TNFRSF13C: variants seen among roughly 807,000 people sequenced by gnomAD.
TNFRSF13C encodes tumor necrosis factor receptor superfamily member 13C.
TNFRSF13C carries 7 observed loss-of-function variants against 12.1 expected under a neutral mutation model. The ratio of observed to expected loss-of-function variants is 0.58; its 90% CI spans 0.33 to 1.08. TNFRSF13C has a LOEUF of 1.08. TNFRSF13C is among the 50% of genes least tolerant of loss of function. The probability of loss-of-function intolerance (pLI) is 0.04; values close to 1 mark genes in which losing one functional copy is unlikely to be tolerated. For synonymous variants in TNFRSF13C, 157 were observed against 130.8 expected, an observed-to-expected ratio of 1.20 and a Z score of -1.37; for missense variants, 260 against 265.9, an observed-to-expected ratio of 0.98 and a Z score of 0.15.
chr22:41,926,199 A>C lies in TNFRSF13C; in HGVS notation c.269T>G (p.Val90Gly), dbSNP rs1569421812. The change falls in exon 2 of 3, where the codon GTC becomes GGC. Residue 90 changes from valine to glycine, a missense_variant. Physicochemically the swap from Val to Gly is moderately radical, Grantham distance 109. Transcript: ENST00000291232. The surrounding 1 kb of genome is among the most constrained non-coding windows in gnomAD (Gnocchi z 4.9). ...GAPALLGLAL[V>G]LALVLVGLVS... is the part of the protein sequence containing the mutation. ...CAGACCCACCAGGACCAGCGCCAGG[A>C]CCAGTGCCAGGCCCAGCAGCGCGGG... 1 of 1,607,882 alleles carries C rather than the reference A, an allele frequency of 6.2e-7. No individual in the cohort carries two copies. Among genetic ancestry groups the C allele is most frequent in the Admixed American group, 1.7e-5 (1 of 59,896 alleles).
At position 41,924,149 on chromosome 22, in the gene TNFRSF13C, G is replaced by C. The variant is rs62240988; in HGVS notation, c.*1218C>G. On this transcript the variant is annotated 3_prime_UTR_variant, in exon 3 of 3. Coordinates refer to ENST00000291232, the MANE Select transcript of TNFRSF13C (RefSeq NM_052945.4). ...TTCGGGGAGGACTGCCTGAGGCCAG[G>C]AGTTTGAGACTGGCCTGGGCAACAT... is the stretch of plus-strand genomic sequence containing the variant. 9,156 of 150,768 alleles carry C rather than the reference G, an allele frequency of 0.061. 380 individuals are homozygous for C. The highest frequency in any genetic ancestry group is 0.095 in the Non-Finnish European group (6,412 of 67,816). 9.3% of individuals were successfully genotyped at this position (150,768 alleles called of 1,614,324 possible).
chr22:41,926,468 G>A lies in TNFRSF13C; in HGVS notation c.137-137C>T. 1 of 1,107,272 alleles carries A rather than the reference G, an allele frequency of 9.0e-7. No homozygotes were observed. Among genetic ancestry groups the A allele is most frequent in the Non-Finnish European group, 1.2e-6 (1 of 844,794 alleles). 68.6% of individuals were successfully genotyped at this position (1,107,272 alleles called of 1,614,324 possible). On this transcript the variant is annotated intron_variant, in intron 1 of 2. Transcript: ENST00000291232. The surrounding 1 kb of genome is among the most constrained non-coding windows in gnomAD (Gnocchi z 4.9). ...GGGGCGGTGGACAAGGGGAGGGAGA[G>A]AGGCGGCGGTGAGGGCCACGCGGTG...
Position 41,922,857 on chromosome 22 carries a change from G to A in TNFRSF13C, c.*2510C>T, listed in dbSNP as rs1048519138. 2 of 152,702 alleles carry A rather than the reference G, an allele frequency of 1.3e-5. No homozygotes were observed. Among genetic ancestry groups the A allele is most frequent in the African/African-American group, 4.8e-5 (2 of 41,428 alleles). 9.5% of individuals were successfully genotyped at this position (152,702 alleles called of 1,614,324 possible). A position where few individuals can be genotyped will look rare whatever the true frequency, so the allele number is the denominator to read the frequency against. ...GGAAAAGATGGGGTGGGGCAGATGG[G>A]GTGGCCAGGAGCAGCTCAGACTCCC... is the stretch of plus-strand genomic sequence containing the variant. On this transcript the variant is annotated 3_prime_UTR_variant, in exon 3 of 3. Coordinates refer to ENST00000291232, the MANE Select transcript of TNFRSF13C (RefSeq NM_052945.4).
rs899035407 is a variant in TNFRSF13C at position 41,926,090 on chromosome 22, A to G, written c.367+11T>C. 9 of 1,611,778 alleles carry G rather than the reference A, an allele frequency of 5.6e-6. No homozygotes were observed. Among genetic ancestry groups the G allele is most frequent in the Non-Finnish European group, 6.8e-6 (8 of 1,179,566 alleles). ...CCCGCTCAGACTGGTTCCCCTACACACGGAACTCACCGTCCTTGTCTCCGT... is the reference window on the plus strand; with the variant it reads ...CCCGCTCAGACTGGTTCCCCTACACGCGGAACTCACCGTCCTTGTCTCCGT... On this transcript the variant is annotated intron_variant, in intron 2 of 2. Coordinates refer to ENST00000291232, the MANE Select transcript of TNFRSF13C (RefSeq NM_052945.4). The surrounding 1 kb of genome is among the most constrained non-coding windows in gnomAD (Gnocchi z 4.9).
chr22:41,925,140 A>G lies in TNFRSF13C; in HGVS notation c.*227T>C. The G allele has an allele frequency of 1.9e-6, 1 of 523,912 alleles. No individual in the cohort carries two copies. The allele number at this position is 523,912 out of a possible 1,614,324, so 32.5% of individuals were successfully genotyped here. On this transcript the variant is annotated 3_prime_UTR_variant, in exon 3 of 3. Transcript: ENST00000291232. ...AAGGCACAGGAACAGGAGCTGGGCT[A>G]CCACCTTCAAGGGCTGTCAAAGATG...
rs2077618886 is a variant in TNFRSF13C, at chr22:41,924,386, G to GCT, written c.*979_*980dup. 6.6e-6 allele frequency: 1 copy of GCT among 151,666 alleles called. No individual in the cohort carries two copies. Among genetic ancestry groups the GCT allele is most frequent in the Admixed American group, 6.6e-5 (1 of 15,196 alleles). The allele number at this position is 151,666 out of a possible 1,614,324, so 9.4% of individuals were successfully genotyped here. On this transcript the variant is annotated 3_prime_UTR_variant, in exon 3 of 3. Coordinates refer to ENST00000291232, the MANE Select transcript of TNFRSF13C (RefSeq NM_052945.4). Reference sequence around the variant, plus strand: ...GCCTATAGTCCCAGCTACTCAGGAGGCTCAGGCAGGAGAATGGTGTGAACC... The same window carrying GCT: ...GCCTATAGTCCCAGCTACTCAGGAGGCTCTCAGGCAGGAGAATGGTGTGAACC...
In TNFRSF13C at chr22:41,926,258, C is replaced by T; in HGVS notation, c.210G>A (p.Ala70=). Residue 70 remains alanine (A), a synonymous_variant, in exon 2 of 3, where the codon GCG becomes GCA. Coordinates refer to ENST00000291232, the MANE Select transcript of TNFRSF13C (RefSeq NM_052945.4). This position sits in a 1 kb window ranked among gnomAD's most constrained non-coding sequence, Gnocchi z 4.9. The part of the protein sequence containing the change: ...QESVGAGAGE[A]ALPLPGLLFG... Reference sequence around the variant, plus strand: ...AGAGCAGCCCGGGCAGGGGCAGCGCCGCCTCGCCGGCCCCCGCGCCCACCG... The same window carrying T: ...AGAGCAGCCCGGGCAGGGGCAGCGCTGCCTCGCCGGCCCCCGCGCCCACCG... 1 of 1,504,242 alleles carries T rather than the reference C, an allele frequency of 6.6e-7. No individual in the cohort carries two copies. Among genetic ancestry groups the T allele is most frequent in the Non-Finnish European group, 8.8e-7 (1 of 1,133,782 alleles). The allele number at this position is 1,504,242 out of a possible 1,614,324, so 93.2% of individuals were successfully genotyped here.
In TNFRSF13C at chr22:41,926,601, A is replaced by C; in HGVS notation, c.136+37T>G. ...GCGATCGGGGCCCCGTTCTCCCCGC[A>C]GCTGCCGGCGCCGCGCGCCCCGTGG... On this transcript the variant is annotated intron_variant, in intron 1 of 2. Coordinates refer to ENST00000291232, the MANE Select transcript of TNFRSF13C (RefSeq NM_052945.4). The surrounding 1 kb of genome is among the most constrained non-coding windows in gnomAD (Gnocchi z 4.9). The C allele has an allele frequency of 7.1e-7, 1 of 1,408,928 alleles. No individual in the cohort carries two copies. Among genetic ancestry groups the C allele is most frequent in the Non-Finnish European group, 9.2e-7 (1 of 1,085,118 alleles). 87.3% of individuals were successfully genotyped at this position (1,408,928 alleles called of 1,614,324 possible).
At position 41,926,678 on chromosome 22, in the gene TNFRSF13C, G is replaced by A. The variant is rs2077634598; in HGVS notation, c.96C>T (p.Cys32=). The change falls in exon 1 of 3, where the codon TGC becomes TGT. Residue 32 remains cysteine (C), a synonymous_variant. Transcript: ENST00000291232. The surrounding 1 kb of genome is among the most constrained non-coding windows in gnomAD (Gnocchi z 4.9). The stretch of plus-strand genomic sequence containing the variant: ...GCGTGCGCAGGAGCCCGCAGGCCAC[G>A]CAGTGGCGGACCAGCAGGTCGAAGC... ...AECFDLLVRH[C]VACGLLRTPR... 2.7e-6 allele frequency: 4 copies of A among 1,463,520 alleles called. No homozygotes were observed. Among genetic ancestry groups the A allele is most frequent in the African/African-American group, 1.5e-5 (1 of 68,054 alleles). The allele number at this position is 1,463,520 out of a possible 1,614,324, so 90.7% of individuals were successfully genotyped here.
In TNFRSF13C at chr22:41,923,865, A is replaced by G. The variant is rs1376065010; in HGVS notation, c.*1502T>C. The stretch of plus-strand genomic sequence containing the variant: ...AAGCTGCCACTGGGGTCAAAATGGC[A>G]TCTTAGGTTCTGGCAGATTGGGCCA... On this transcript the variant is annotated 3_prime_UTR_variant, in exon 3 of 3. Transcript: ENST00000291232. The G allele has an allele frequency of 6.6e-6, 1 of 152,176 alleles. No homozygotes were observed. The highest frequency in any genetic ancestry group is 2.4e-5 in the African/African-American group (1 of 41,438). 9.4% of individuals were successfully genotyped at this position (152,176 alleles called of 1,614,324 possible).
chr22:41,923,377 C>T lies in TNFRSF13C; in HGVS notation c.*1990G>A. 6.5e-6 allele frequency: 1 copy of T among 154,708 alleles called. No homozygotes were observed. Among genetic ancestry groups the T allele is most frequent in the Non-Finnish European group, 1.5e-5 (1 of 68,336 alleles). The allele number at this position is 154,708 out of a possible 1,614,324, so 9.6% of individuals were successfully genotyped here. On this transcript the variant is annotated 3_prime_UTR_variant, in exon 3 of 3. Coordinates refer to ENST00000291232, the MANE Select transcript of TNFRSF13C (RefSeq NM_052945.4). ...CAGGTCAGGAGGTTCTGACCCTGTG[C>T]AGGAGGGCAGGTAGGAGGCGGCTGA...
chr22:41,926,414 G>A lies in TNFRSF13C; in HGVS notation c.137-83C>T, dbSNP rs2077632022. 4.2e-6 allele frequency: 5 copies of A among 1,198,680 alleles called. No homozygotes were observed. The South Asian group carries it at 1.1e-4, about 26-fold the overall frequency. The allele number at this position is 1,198,680 out of a possible 1,614,324, so 74.3% of individuals were successfully genotyped here. ...GACGGGGAGGGGCGGAGGGGGGCGA[G>A]GCTGGCCGGGGAGGGGAGGGACAGC... On this transcript the variant is annotated intron_variant, in intron 1 of 2. Coordinates refer to ENST00000291232, the MANE Select transcript of TNFRSF13C (RefSeq NM_052945.4). The surrounding 1 kb of genome is among the most constrained non-coding windows in gnomAD (Gnocchi z 4.9).
In TNFRSF13C at chr22:41,925,564, G is replaced by C. The variant is rs374836008; in HGVS notation, c.368-10C>G. The C allele has an allele frequency of 8.1e-6, 13 of 1,611,486 alleles. No individual in the cohort carries two copies. Among genetic ancestry groups the C allele is most frequent in the Middle Eastern group, 1.7e-4 (1 of 6,058 alleles). On this transcript the variant is annotated splice_polypyrimidine_tract_variant and intron_variant, in intron 2 of 2. Coordinates refer to ENST00000291232, the MANE Select transcript of TNFRSF13C (RefSeq NM_052945.4). Reference sequence around the variant, plus strand: ...TCCAGGGGCTCTGGGGCTGCAGGCAGAGGGGGTAGAGGCTCCGTACTCAGT... The same window carrying C: ...TCCAGGGGCTCTGGGGCTGCAGGCACAGGGGGTAGAGGCTCCGTACTCAGT...
rs1265622212 is a variant in TNFRSF13C, at chr22:41,925,326, G to A, written c.*41C>T. On this transcript the variant is annotated 3_prime_UTR_variant, in exon 3 of 3. Transcript: ENST00000291232. ...TTGATTTCCAAGCCCCTGGCTGGGG[G>A]TCCAGAGGGAGGGCAGGGGCCACCT... 2 of 1,569,912 alleles carry A rather than the reference G, an allele frequency of 1.3e-6. No homozygotes were observed.
rs1240828220 is a variant in TNFRSF13C, at chr22:41,926,205, G to A, written c.263C>T (p.Ala88Val). 1 of 1,605,694 alleles carries A rather than the reference G, an allele frequency of 6.2e-7. No homozygotes were observed. The highest frequency in any genetic ancestry group is 8.5e-7 in the Non-Finnish European group (1 of 1,178,616). ...CACCAGGACCAGCGCCAGGACCAGT[G>A]CCAGGCCCAGCAGCGCGGGGGCGCC... ...LFGAPALLGLALVLALVLVGL... is the reference protein window; with the variant it reads ...LFGAPALLGLVLVLALVLVGL... Residue 88 changes from alanine to valine, a missense_variant, in exon 2 of 3, where the codon GCA (alanine) becomes GTA (valine). Coordinates refer to ENST00000291232, the MANE Select transcript of TNFRSF13C (RefSeq NM_052945.4). This position sits in a 1 kb window ranked among gnomAD's most constrained non-coding sequence, Gnocchi z 4.9.
In TNFRSF13C at chr22:41,924,590, A is replaced by C. The variant is rs2077620103; in HGVS notation, c.*777T>G. ...AAAGATTGCTTGAGCCCAGGCTGCA[A>C]TTAGCTGGGGACCCATCGTTGCACT... On this transcript the variant is annotated 3_prime_UTR_variant, in exon 3 of 3. Coordinates refer to ENST00000291232, the MANE Select transcript of TNFRSF13C (RefSeq NM_052945.4). The C allele has an allele frequency of 6.6e-6, 1 of 151,916 alleles. No individual in the cohort carries two copies. The highest frequency in any genetic ancestry group is 2.1e-4 in the South Asian group (1 of 4,826). The allele number at this position is 151,916 out of a possible 1,614,324, so 9.4% of individuals were successfully genotyped here.
Position 41,925,261 on chromosome 22 carries a change from C to G in TNFRSF13C, c.*106G>C. Reference sequence around the variant, plus strand: ...TGCTTCTGCAGAGTTAGCCTGGTCCCAGAAAGAGGGCATGTGCATGCTGGA... The same window carrying G: ...TGCTTCTGCAGAGTTAGCCTGGTCCGAGAAAGAGGGCATGTGCATGCTGGA... On this transcript the variant is annotated 3_prime_UTR_variant, in exon 3 of 3. Coordinates refer to ENST00000291232, the MANE Select transcript of TNFRSF13C (RefSeq NM_052945.4). 1 of 1,233,830 alleles carries G rather than the reference C, an allele frequency of 8.1e-7. No homozygotes were observed. The highest frequency in any genetic ancestry group is 1.5e-5 in the South Asian group (1 of 67,532). The allele number at this position is 1,233,830 out of a possible 1,614,324, so 76.4% of individuals were successfully genotyped here. A position where few individuals can be genotyped will look rare whatever the true frequency, so the allele number is the denominator to read the frequency against.
At position 41,926,655 on chromosome 22, in the gene TNFRSF13C, G is replaced by T; in HGVS notation, c.119C>A (p.Thr40Lys). The T allele has an allele frequency of 6.8e-7, 1 of 1,460,944 alleles. No homozygotes were observed. The highest frequency in any genetic ancestry group is 9.0e-7 in the Non-Finnish European group (1 of 1,111,528). 90.5% of individuals were successfully genotyped at this position (1,460,944 alleles called of 1,614,324 possible). Reference sequence around the variant, plus strand: ...CCCCTTACCCGGTTTCGGCCGCGGCGTGCGCAGGAGCCCGCAGGCCACGCA... The same window carrying T: ...CCCCTTACCCGGTTTCGGCCGCGGCTTGCGCAGGAGCCCGCAGGCCACGCA... ...RHCVACGLLRTPRPKPAGASS... is the reference protein window; with the variant it reads ...RHCVACGLLRKPRPKPAGASS... The change falls in exon 1 of 3, where the codon ACG (threonine) becomes AAG (lysine). Residue 40 changes from threonine to lysine, a missense_variant. Thr to Lys is a moderately conservative substitution (Grantham distance 78). Coordinates refer to ENST00000291232, the MANE Select transcript of TNFRSF13C (RefSeq NM_052945.4). The surrounding 1 kb of genome is among the most constrained non-coding windows in gnomAD (Gnocchi z 4.9).
chr22:41,926,012 C>T lies in TNFRSF13C; in HGVS notation c.367+89G>A, dbSNP rs73165134. The T allele has an allele frequency of 4.1e-4, 634 of 1,540,444 alleles. 3 individuals are homozygous for T. The highest frequency in any genetic ancestry group is 3.1e-3 in the African/African-American group (227 of 73,640). On this transcript the variant is annotated intron_variant, in intron 2 of 2. Coordinates refer to ENST00000291232, the MANE Select transcript of TNFRSF13C (RefSeq NM_052945.4). This position sits in a 1 kb window ranked among gnomAD's most constrained non-coding sequence, Gnocchi z 4.9. ...TTCCCCTTAAAGCCCTTCTCTCCCCCTCAGGGGCCATGCATCTCCCCCTAG... is the reference window on the plus strand; with the variant it reads ...TTCCCCTTAAAGCCCTTCTCTCCCCTTCAGGGGCCATGCATCTCCCCCTAG...
Sources: gnomAD v4.1 joint callset for allele counts on GRCh38, gnomAD v4.1.1 for gene constraint, Gnocchi (gnomAD v3.1) non-coding constraint, MANE v1.5 for transcripts, NCBI Gene and HGNC (gene_info 2026-07-23, HGNC 2026-07-21) for gene names.